Variants in SLC9A9 observed in about 807,000 individuals in gnomAD.
SLC9A9 encodes the protein sodium/hydrogen exchanger 9.
A neutral mutation model predicts 77.8 loss-of-function variants in SLC9A9; 62 were observed. The ratio of observed to expected loss-of-function variants is 0.80; its 90% CI spans 0.65 to 0.98. SLC9A9 has a LOEUF of 0.98. Among genes scored for constraint, SLC9A9 ranks in the 50% least tolerant of loss-of-function variants. The pLI is 0.00. For missense variants in SLC9A9, 775 were observed against 774.9 expected, an observed-to-expected ratio of 1.00 and a Z score of 0.00; for synonymous variants, 320 against 283.5, an observed-to-expected ratio of 1.13 and a Z score of -1.29.
At position 143,404,332 on chromosome 3, in the gene SLC9A9, C is replaced by T. The variant is rs146036768; in HGVS notation, c.1470-22218G>A. 7.5e-3 allele frequency among the ~76,000 whole-genome samples: 1,145 copies of T among 151,952 alleles called. 8 individuals carry two copies. Among genetic ancestry groups the T allele is most frequent in the South Asian group, 0.024 (113 of 4,800 alleles). Reference sequence around the variant, plus strand: ...GGGATTACAGGTGCCTGCCACCACACCTAATTTTTTTGTATTTTTAGTAGA... The same window carrying T: ...GGGATTACAGGTGCCTGCCACCACATCTAATTTTTTTGTATTTTTAGTAGA... On this transcript the variant is annotated intron_variant, in intron 12 of 15. Coordinates refer to ENST00000316549, the MANE Select transcript of SLC9A9 (RefSeq NM_173653.4).
At chr3:143,452,295 T>A (rs560814722) in intron 12 of SLC9A9, among the ~76,000 whole-genome samples, 1 of 152,030 alleles carries the variant, frequency 6.6e-6, no homozygotes. Context: ...CACACAACAG[T>A]ATCGATGAAT....
At chr3:143,785,271 G>T (rs140860250) in intron 4 of SLC9A9, among the ~76,000 whole-genome samples, 1,810 of 152,306 alleles carry the variant, frequency 0.012, 39 homozygotes, top group African/African-American at 0.041. Context: ...TGGCTTCTGA[G>T]ACTGGACCTC....
intron 9 of SLC9A9, among the ~76,000 whole-genome samples, chr3:143,507,238 C>T (rs2036038127): frequency 6.6e-6 from 1 of 151,636 alleles, no homozygotes; most frequent in African/African-American, 2.4e-5. Context: ...GATGGAGTCT[C>T]ACTCTGTCAC....
intron 9 of SLC9A9, among the ~76,000 whole-genome samples, chr3:143,524,953 G>A (rs2036379580): frequency 1.3e-5 from 2 of 152,280 alleles, no homozygotes; most frequent in African/African-American, 4.8e-5. Context: ...AGCCAAAGAT[G>A]ACTGCCTGAT....
intron 5 of SLC9A9, among the ~76,000 whole-genome samples, chr3:143,691,536 C>G (rs1933466314): frequency 6.6e-6 from 1 of 152,128 alleles, no homozygotes; most frequent in African/African-American, 2.4e-5. Flanking sequence ...CAGACAAAAA[C>G]AGTACTATTA....
intron 1 of SLC9A9, among the ~76,000 whole-genome samples, chr3:143,843,444 A>C (rs915466202): frequency 1.3e-5 from 2 of 152,220 alleles, no homozygotes; most frequent in African/African-American, 2.4e-5. Flanking sequence ...AATTTGTCCT[A>C]CTTAACTGTT....
rs9821627 is a variant in SLC9A9 at position 143,725,630 on chromosome 3, G to C, written c.534-32323C>G. On this transcript the variant is annotated intron_variant, in intron 4 of 15. Coordinates refer to ENST00000316549, the MANE Select transcript of SLC9A9 (RefSeq NM_173653.4). ...AAATCATCATTCTCAGTAAACTATC[G>C]TAAGGACAAAAAACCAAACACCGCA... 1.0e-3 allele frequency among the ~76,000 whole-genome samples: 130 copies of C among 127,958 alleles called. 2 individuals carry two copies. The highest frequency in any genetic ancestry group is 1.9e-3 in the Non-Finnish European group (112 of 58,942). The allele number at this position is 127,958 out of a possible 152,430, so 83.9% of individuals were successfully genotyped here. A position where few individuals can be genotyped will look rare whatever the true frequency, so the allele number is the denominator to read the frequency against.
At chr3:143,612,945 A>G (rs1041765206) in intron 6 of SLC9A9, among the ~76,000 whole-genome samples, 4 of 152,224 alleles carry the variant, frequency 2.6e-5, no homozygotes, top group African/African-American at 9.6e-5. Flanking sequence ...ATGTAGAAAG[A>G]TATATATTAA....
intron 4 of SLC9A9, among the ~76,000 whole-genome samples, chr3:143,786,207 G>A (rs1438163195): frequency 6.6e-6 from 1 of 152,180 alleles, no homozygotes; most frequent in Non-Finnish European, 1.5e-5. Flanking sequence ...CTTAGGATAG[G>A]TTGTTTAATA....
chr3:143,587,291 T>A (rs928052716), intron 6 of SLC9A9, among the ~76,000 whole-genome samples: 24 of 152,146 alleles, frequency 1.6e-4, no homozygotes, highest in African/African-American at 5.8e-4. Flanking sequence ...TACATCTCAG[T>A]GGAGAAGAAA....
At chr3:143,331,078 A>G (rs1025711444) in intron 14 of SLC9A9, among the ~76,000 whole-genome samples, 3 of 152,176 alleles carry the variant, frequency 2.0e-5, no homozygotes, top group African/African-American at 4.8e-5. Context: ...TTTTTATTCA[A>G]GTGGGATGGG....
rs976332291 is a variant in SLC9A9 at position 143,848,086 on chromosome 3, A to T, written c.175+62T>A. Reference sequence around the variant, plus strand: ...AGTTTCGGTACTTTGCTATCTGAGCACAAGTCTCTAATTACGCTCAAGCAA... The same window carrying T: ...AGTTTCGGTACTTTGCTATCTGAGCTCAAGTCTCTAATTACGCTCAAGCAA... On this transcript the variant is annotated intron_variant, in intron 1 of 15. Coordinates refer to ENST00000316549, the MANE Select transcript of SLC9A9 (RefSeq NM_173653.4). The T allele has an allele frequency of 1.6e-5, 24 of 1,460,346 alleles. No homozygotes were observed. The African/African-American group carries it at 3.2e-4, about 19-fold the overall frequency. The allele number at this position is 1,460,346 out of a possible 1,614,324, so 90.5% of individuals were successfully genotyped here. A position where few individuals can be genotyped will look rare whatever the true frequency, so the allele number is the denominator to read the frequency against.
intron 4 of SLC9A9, among the ~76,000 whole-genome samples, chr3:143,746,485 C>T (rs1560060647): frequency 6.6e-6 from 1 of 152,118 alleles, no homozygotes; most frequent in Non-Finnish European, 1.5e-5. Flanking sequence ...TATGAGCTCT[C>T]TGAGAACATG....
intron 14 of SLC9A9, among the ~76,000 whole-genome samples, chr3:143,297,214 A>G (rs1418936318): frequency 1.3e-5 from 2 of 152,048 alleles, no homozygotes; most frequent in African/African-American, 2.4e-5. Flanking sequence ...TAGGGATCTG[A>G]CTTCATTGTT....
At chr3:143,488,807 G>T (rs988612881) in intron 11 of SLC9A9, among the ~76,000 whole-genome samples, 5 of 151,852 alleles carry the variant, frequency 3.3e-5, no homozygotes, top group African/African-American at 1.2e-4. Flanking sequence ...AAAGACTAAA[G>T]TCTTTTATTC....
At chr3:143,683,925 G>T (rs898525836) in intron 5 of SLC9A9, among the ~76,000 whole-genome samples, 2 of 151,952 alleles carry the variant, frequency 1.3e-5, no homozygotes, top group African/African-American at 4.8e-5. Flanking sequence ...ATGTCTCACT[G>T]TATTATACTG....
At chr3:143,606,092 A>G (rs528055762) in intron 6 of SLC9A9, among the ~76,000 whole-genome samples, 16 of 152,176 alleles carry the variant, frequency 1.1e-4, no homozygotes, top group African/African-American at 3.6e-4. Context: ...ACATTGTCTC[A>G]CAAAAATATT....
chr3:143,782,309 T>A (rs2007906388), intron 4 of SLC9A9, among the ~76,000 whole-genome samples: 1 of 152,176 alleles, frequency 6.6e-6, no homozygotes, highest in African/African-American at 2.4e-5. Context: ...GATAGCAAAT[T>A]TCAGTGTGCT....
chr3:143,294,012 T>G (rs6770294), intron 14 of SLC9A9, among the ~76,000 whole-genome samples: 56,211 of 152,028 alleles, frequency 0.37, 14,566 homozygotes, highest in African/African-American at 0.74. Context: ...CATGTAAAAT[T>G]TTGTAGAATA....
Sources: gnomAD v4.1 joint callset for allele counts (sites outside exome capture counted in the v4.1 genomes callset) on GRCh38, gnomAD v4.1.1 for gene constraint, MANE v1.5 for transcripts, NCBI Gene and HGNC (gene_info 2026-07-23, HGNC 2026-07-21) for gene names.